The following KATNAL1 variants were observed in gnomAD, a reference collection of about 807,000 sequenced individuals.
The protein encoded by KATNAL1 is katanin catalytic subunit A1 like 1, also known as katanin p60 ATPase-containing subunit A-like 1.
Under a neutral mutation model 55.2 loss-of-function variants are expected in KATNAL1, and 32 were observed. The observed-to-expected ratio is 0.58, with a 90% confidence interval of 0.44 to 0.78. KATNAL1 has a LOEUF of 0.78. Ranked by LOEUF, KATNAL1 falls within the 30% of genes least tolerant of loss-of-function variation. KATNAL1 has a pLI of 0.00. For missense variants in KATNAL1, 466 were observed against 600.9 expected (o/e 0.78, Z 2.35); for synonymous variants, 193 against 193.6 (o/e 1.00, Z 0.02).
chr13:30,242,413 C>A (rs1055935448), intron 4 of KATNAL1, among the ~76,000 whole-genome samples: 1 of 152,138 alleles, frequency 6.6e-6, no homozygotes, highest in Non-Finnish European at 1.5e-5. Flanking sequence ...GCATCTTCTA[C>A]GTGCAATACA....
At chr13:30,269,887 C>T (rs879326755) in intron 3 of KATNAL1, among the ~76,000 whole-genome samples, 2 of 151,848 alleles carry the variant, frequency 1.3e-5, no homozygotes, top group Non-Finnish European at 2.9e-5. Flanking sequence ...GCAGCCACCC[C>T]GTCCAGGAGG....
At chr13:30,243,386 T>A (rs919759668) in intron 4 of KATNAL1, among the ~76,000 whole-genome samples, 7 of 152,064 alleles carry the variant, frequency 4.6e-5, no homozygotes, top group Non-Finnish European at 8.8e-5. Context: ...CTATGCAACC[T>A]CTCACACTGG....
chr13:30,243,197 T>G (rs1158220944), intron 4 of KATNAL1, among the ~76,000 whole-genome samples: 2 of 152,204 alleles, frequency 1.3e-5, no homozygotes, highest in Non-Finnish European at 2.9e-5. Flanking sequence ...GCAAAATATT[T>G]TAGCTTCTTT....
At chr13:30,227,719 A>G (rs1875649316) in intron 8 of KATNAL1, among the ~76,000 whole-genome samples, 173 bp from the exon 9 acceptor site, 1 of 152,142 alleles carries the variant, frequency 6.6e-6, no homozygotes, top group Admixed American at 6.6e-5. Context: ...AAAACAAAGA[A>G]GTAGAAGAAT....
At chr13:30,244,746 T>C (rs559360083) in intron 4 of KATNAL1, among the ~76,000 whole-genome samples, 141 of 152,240 alleles carry the variant, frequency 9.3e-4, no homozygotes, top group African/African-American at 3.3e-3. Context: ...AAATACAAAC[T>C]ACCATCAGAG....
intron 3 of KATNAL1, among the ~76,000 whole-genome samples, chr13:30,273,866 G>T (rs1880557108): frequency 6.6e-6 from 1 of 152,128 alleles, no homozygotes; most frequent in Non-Finnish European, 1.5e-5. Flanking sequence ...TCAACAGCTT[G>T]ATCTAGATAT....
chr13:30,276,555 A>G (rs939732259), intron 3 of KATNAL1, among the ~76,000 whole-genome samples: 5 of 151,876 alleles, frequency 3.3e-5, no homozygotes, highest in Non-Finnish European at 5.9e-5. Flanking sequence ...AAGATGAAGT[A>G]AATATTATAT....
intron 3 of KATNAL1, among the ~76,000 whole-genome samples, chr13:30,274,909 A>T (rs56068229): frequency 1.7e-5 from 1 of 60,252 alleles, no homozygotes. Context: ...GCGCGCGCGC[A>T]CACACACACA....
At chr13:30,269,094 T>C (rs674265) in intron 3 of KATNAL1, among the ~76,000 whole-genome samples, 150,185 of 152,168 alleles carry the variant, frequency 0.99, 74,138 homozygotes, top group East Asian at 1. Flanking sequence ...CCACGGTCTC[T>C]CTCTCCCTCT....
intron 1 of KATNAL1, among the ~76,000 whole-genome samples, chr13:30,304,923 A>C (rs1424889804): frequency 6.6e-6 from 1 of 152,212 alleles, no homozygotes; most frequent in Non-Finnish European, 1.5e-5. Context: ...CCCAACATCC[A>C]AACTCTTATC....
chr13:30,272,608 TTA>T (rs1359810225), intron 3 of KATNAL1, among the ~76,000 whole-genome samples: 3 of 152,108 alleles, frequency 2.0e-5, no homozygotes, highest in Non-Finnish European at 4.4e-5. Context: ...CTTTAATGAA[TTA>T]TAATTTCTGT....
intron 3 of KATNAL1, among the ~76,000 whole-genome samples, chr13:30,264,469 C>G (rs1156263912): frequency 6.7e-6 from 1 of 148,576 alleles, no homozygotes; most frequent in African/African-American, 2.5e-5. Context: ...ATTTTCACAA[C>G]CTACTCATCT....
chr13:30,298,996 G>C (rs747617878), intron 1 of KATNAL1, among the ~76,000 whole-genome samples: 52 of 152,112 alleles, frequency 3.4e-4, no homozygotes, highest in South Asian at 6.2e-4. Flanking sequence ...CTAGAGACAA[G>C]GTAGTAAGAC....
intron 1 of KATNAL1, among the ~76,000 whole-genome samples, chr13:30,305,722 G>A (rs1466014877): frequency 2.0e-5 from 3 of 152,196 alleles, no homozygotes. Flanking sequence ...TATTTCCTCT[G>A]GGCTCCTAGA....
At chr13:30,298,244 A>AG (rs1439084778) in intron 1 of KATNAL1, among the ~76,000 whole-genome samples, 13 of 152,244 alleles carry the variant, frequency 8.5e-5, no homozygotes, top group Non-Finnish European at 1.6e-4. Flanking sequence ...TGTCAGTTCT[A>AG]GAATGCAAAA....
intron 9 of KATNAL1, among the ~76,000 whole-genome samples, chr13:30,215,960 C>A (rs1357153971): frequency 6.6e-6 from 1 of 152,030 alleles, no homozygotes. Context: ...AAATTAACTT[C>A]TGTTGTTTAA....
chr13:30,210,357 C>T lies in KATNAL1; in HGVS notation c.1233G>A (p.Lys411=), dbSNP rs1448622408. ...TGTCAGCACCAGAATAGCCCTCAAT[C>T]TTCTCGGCTATATCTTCCAGTTGAA... ...PDIQLEDIAE[K]IEGYSGADIT... Residue 411 remains lysine (K), a synonymous_variant, in exon 10 of 11, where the codon AAG becomes AAA. Coordinates refer to ENST00000380615, the MANE Select transcript of KATNAL1 (RefSeq NM_032116.5). 1 of 1,609,612 alleles carries T rather than the reference C, an allele frequency of 6.2e-7. No homozygotes were observed. Among genetic ancestry groups the T allele is most frequent in the Admixed American group, 1.7e-5 (1 of 59,242 alleles).
intron 3 of KATNAL1, among the ~76,000 whole-genome samples, chr13:30,273,293 G>A (rs975725003): frequency 6.6e-5 from 10 of 152,114 alleles, no homozygotes; most frequent in Admixed American, 2.6e-4. Context: ...CTCTCTCTGC[G>A]TTCTCTGAAC....
At chr13:30,279,210 G>T (rs1281240079) in intron 3 of KATNAL1, among the ~76,000 whole-genome samples, 1 of 152,150 alleles carries the variant, frequency 6.6e-6, no homozygotes, top group East Asian at 1.9e-4. Context: ...GAAACTAATG[G>T]TGTTAACTCA....
Sources: gnomAD v4.1 joint callset for allele counts (sites outside exome capture counted in the v4.1 genomes callset) on GRCh38, gnomAD v4.1.1 for gene constraint, MANE v1.5 for transcripts, NCBI Gene and HGNC (gene_info 2026-07-23, HGNC 2026-07-21) for gene names.